RAI1: variants seen among roughly 807,000 people sequenced by gnomAD.
The protein encoded by RAI1 is retinoic acid induced 1.
A neutral mutation model predicts 123.8 loss-of-function variants in RAI1; 9 were observed. The observed-to-expected ratio is 0.07, with a 90% CI of 0.04 to 0.13. The LOEUF (loss-of-function observed/expected upper bound fraction) is 0.13. Ranked by LOEUF, RAI1 falls within the 10% of genes least tolerant of loss-of-function variation. The pLI, the probability that RAI1 is intolerant of heterozygous loss-of-function variation, is 1.00. For synonymous variants in RAI1, 1,231 were observed against 1,127.3 expected, an observed-to-expected ratio of 1.09 and a Z score of -1.84; for missense variants, 2,256 against 2,545.8, an observed-to-expected ratio of 0.89 and a Z score of 2.45.
In RAI1 at chr17:17,795,893, C is replaced by G. The variant is rs779219589; in HGVS notation, c.2945C>G (p.Pro982Arg). ...LAQKPNKPAV[P>R]EAPIAKKEPV... is the part of the protein sequence containing the mutation. ...CAGAAGCCCAACAAGCCTGCTGTGCCCGAGGCGCCCATCGCAAAGAAAGAG... is the reference window on the plus strand; with the variant it reads ...CAGAAGCCCAACAAGCCTGCTGTGCGCGAGGCGCCCATCGCAAAGAAAGAG... The change falls in exon 3 of 6, where the codon CCC becomes CGC. Residue 982 changes from proline (P) to arginine (R), a missense_variant. This residue lies in a region of RAI1 where 566 missense variants were observed against 616.0 expected (regional missense o/e 0.92). Coordinates refer to ENST00000353383, the MANE Select transcript of RAI1 (RefSeq NM_030665.4). The surrounding 1 kb of genome is among the most constrained non-coding windows in gnomAD (Gnocchi z 5.9). 3 of 1,611,872 alleles carry G rather than the reference C, an allele frequency of 1.9e-6. No homozygotes were observed. Among genetic ancestry groups the G allele is most frequent in the South Asian group, 1.1e-5 (1 of 91,088 alleles).
rs1339889348 is a variant in RAI1, at chr17:17,800,178, CTG to C, written c.5565+1667_5565+1668del. On this transcript the variant is annotated intron_variant, in intron 3 of 5. Coordinates refer to ENST00000353383, the MANE Select transcript of RAI1 (RefSeq NM_030665.4). The surrounding 1 kb of genome is among the most constrained non-coding windows in gnomAD (Gnocchi z 4.7). ...CCTCTCTCCTGCTTTCTGTCTCTCT[CTG>C]TCTCTCTCTCTCTCTCTCTCTCTCT... Among the ~76,000 whole-genome samples, 3 of 73,038 alleles carry C rather than the reference CTG, an allele frequency of 4.1e-5. No homozygotes were observed. The highest frequency in any genetic ancestry group is 5.3e-5 in the Non-Finnish European group (2 of 38,066). 47.9% of individuals were successfully genotyped at this position (73,038 alleles called of 152,430 possible). A position where few individuals can be genotyped will look rare whatever the true frequency, so the allele number is the denominator to read the frequency against.
chr17:17,783,058 G>A (rs1355374595), intron 2 of RAI1, among the ~76,000 whole-genome samples: 2 of 21,862 alleles, frequency 9.1e-5, no homozygotes, highest in African/African-American at 4.3e-4. Flanking sequence ...TCAGGGAGAT[G>A]AATGATGGGG....
At chr17:17,806,967 TAGAGGC>T (rs1327018429) in intron 4 of RAI1, among the ~76,000 whole-genome samples, 1 of 151,978 alleles carries the variant, frequency 6.6e-6, no homozygotes, top group African/African-American at 2.4e-5. Flanking sequence ...CACACGGCAG[TAGAGGC>T]AGCTGTGGAC....
intron 1 of RAI1, among the ~76,000 whole-genome samples, chr17:17,696,356 C>T (rs1915033574): frequency 6.6e-6 from 1 of 152,050 alleles, no homozygotes; most frequent in Non-Finnish European, 1.5e-5. Context: ...AAAAATTCAC[C>T]CGTACTCTCA....
intron 3 of RAI1, 62 bp downstream of exon 3, chr17:17,798,575 G>T (rs1176468802): frequency 1.3e-6 from 2 of 1,586,494 alleles, no homozygotes; most frequent in East Asian, 2.3e-5. Context: ...CAGGCAGGCA[G>T]TCGGGGAGCC....
intron 1 of RAI1, among the ~76,000 whole-genome samples, chr17:17,719,596 T>G (rs549397421): frequency 6.6e-6 from 1 of 152,348 alleles, no homozygotes; most frequent in East Asian, 1.9e-4. Context: ...ACGCTTCACC[T>G]AAGGTAACAT....
At chr17:17,787,823 C>T (rs2031878532) in intron 2 of RAI1, among the ~76,000 whole-genome samples, 2 of 152,160 alleles carry the variant, frequency 1.3e-5, no homozygotes. Context: ...AGCGGGTGGG[C>T]GTGGTTAGGC....
At position 17,686,568 on chromosome 17, in the gene RAI1, CGTGTGTGTGTGTGTGTGT is replaced by C. The variant is rs58906330; in HGVS notation, c.-149+4799_-149+4816del. Reference sequence around the variant, plus strand: ...ATTTCGCTCCACTGGTTCTTGAACCCGTGTGTGTGTGTGTGTGTGTGTGTGTGTGTGTGTGTGTGTGCA... The same window carrying C: ...ATTTCGCTCCACTGGTTCTTGAACCCGTGTGTGTGTGTGTGTGTGTGTGCA... On this transcript the variant is annotated intron_variant, in intron 1 of 5. Transcript: ENST00000353383. 6.0e-3 allele frequency among the ~76,000 whole-genome samples: 743 copies of C among 124,498 alleles called. 2 individuals are homozygous for C. Among genetic ancestry groups the C allele is most frequent in the African/African-American group, 0.021 (688 of 32,942 alleles). 81.7% of individuals were successfully genotyped at this position (124,498 alleles called of 152,430 possible).
At chr17:17,740,130 T>C (rs1916572872) in intron 2 of RAI1, among the ~76,000 whole-genome samples, 1 of 152,200 alleles carries the variant, frequency 6.6e-6, no homozygotes, top group Non-Finnish European at 1.5e-5. Flanking sequence ...GTAAGCCCTG[T>C]GCCTGGGACT....
At chr17:17,775,277 C>T (rs1326869535) in intron 2 of RAI1, among the ~76,000 whole-genome samples, 3 of 149,046 alleles carry the variant, frequency 2.0e-5, no homozygotes, top group African/African-American at 7.4e-5. Flanking sequence ...AATCTCTGCT[C>T]ACTGCAGCCT....
rs1005337437 is a variant in RAI1 at position 17,766,568 on chromosome 17, C to T, written c.-16-26365C>T. Among the ~76,000 whole-genome samples the T allele has an allele frequency of 4.6e-5, 7 of 152,274 alleles. No individual in the cohort carries two copies. In the East Asian group the frequency reaches 9.7e-4, roughly 21 times the overall value. ...CGAACTCTGGGCGTCAGCACTGGGG[C>T]GTGCTGGGGCCTCAACCCAGCCCCA... On this transcript the variant is annotated intron_variant, in intron 2 of 5. Coordinates refer to ENST00000353383, the MANE Select transcript of RAI1 (RefSeq NM_030665.4).
chr17:17,780,361 C>A (rs898132723), intron 2 of RAI1, among the ~76,000 whole-genome samples: 1 of 152,266 alleles, frequency 6.6e-6, no homozygotes, highest in South Asian at 2.1e-4. Context: ...GCATCGCACC[C>A]GGCCACCCAC....
Position 17,797,573 on chromosome 17 carries a change from G to C in RAI1, c.4625G>C (p.Arg1542Pro). ...TATTCCAAGCGGAAGCGCCTCACTC[G>C]GGGCCGGGCCAAGAACACCACCTCT... The part of the protein sequence containing the change: ...SSYSKRKRLT[R>P]GRAKNTTSSP... The change falls in exon 3 of 6, where the codon CGG (arginine) becomes CCG (proline). Residue 1542 changes from arginine (R) to proline (P), a missense_variant. Around this residue, in one of 7 missense-constraint regions of RAI1, gnomAD observed 410 missense variants for 374.6 expected, o/e 1.09. Coordinates refer to ENST00000353383, the MANE Select transcript of RAI1 (RefSeq NM_030665.4). 2 of 1,614,078 alleles carry C rather than the reference G, an allele frequency of 1.2e-6. No homozygotes were observed. The highest frequency in any genetic ancestry group is 1.7e-6 in the Non-Finnish European group (2 of 1,180,048).
At chr17:17,752,757 T>TA (rs1219962859) in intron 2 of RAI1, among the ~76,000 whole-genome samples, 1 of 152,178 alleles carries the variant, frequency 6.6e-6, no homozygotes, top group Non-Finnish European at 1.5e-5. Context: ...TGGACACTCT[T>TA]AAAGTCCTTC....
chr17:17,731,111 G>A (rs2142948135), intron 2 of RAI1, among the ~76,000 whole-genome samples: 1 of 152,364 alleles, frequency 6.6e-6, no homozygotes, highest in East Asian at 1.9e-4. Flanking sequence ...CCTCCTAGAG[G>A]TGAGGACGTG....
chr17:17,788,423 C>T (rs1464331435), intron 2 of RAI1, among the ~76,000 whole-genome samples: 1 of 152,146 alleles, frequency 6.6e-6, no homozygotes, highest in Non-Finnish European at 1.5e-5. Context: ...AACGATTTCT[C>T]ATTTTCACCA....
intron 1 of RAI1, among the ~76,000 whole-genome samples, chr17:17,703,374 T>C (rs537184752): frequency 6.6e-6 from 1 of 152,302 alleles, no homozygotes; most frequent in African/African-American, 2.4e-5. Context: ...AGGGTTTCCA[T>C]GCAGGGTGGG....
intron 1 of RAI1, among the ~76,000 whole-genome samples, chr17:17,711,938 C>T (rs935174355): frequency 2.7e-4 from 41 of 152,226 alleles, no homozygotes; most frequent in African/African-American, 7.7e-4. Context: ...GGCTGTCACG[C>T]GGTGTCCGGC....
chr17:17,704,016 A>G (rs1014159105), intron 1 of RAI1, among the ~76,000 whole-genome samples: 2 of 152,186 alleles, frequency 1.3e-5, no homozygotes, highest in African/African-American at 4.8e-5. Flanking sequence ...GCACCAGGGC[A>G]GCCCGGCTCC....
Sources: gnomAD v4.1 joint callset for allele counts (sites outside exome capture counted in the v4.1 genomes callset) on GRCh38, gnomAD v4.1.1 for gene constraint, gnomAD v4.1.1 regional missense constraint, Gnocchi (gnomAD v3.1) non-coding constraint, MANE v1.5 for transcripts, NCBI Gene and HGNC (gene_info 2026-07-23, HGNC 2026-07-21) for gene names.